TEX11: variants seen among roughly 807,000 people sequenced by gnomAD.
TEX11 encodes testis-expressed protein 11.
TEX11 carries 7 observed loss-of-function variants against 84.4 expected under a neutral mutation model. That is an observed-to-expected ratio of 0.08 (90% confidence interval 0.05 to 0.16). TEX11 has a LOEUF of 0.16. TEX11 is among the 10% of genes least tolerant of loss of function. TEX11 has a pLI of 1.00. For missense variants in TEX11, 551 were observed against 660.5 expected, an observed-to-expected ratio of 0.83 and a Z score of 1.82; for synonymous variants, 264 against 222.8, an observed-to-expected ratio of 1.18 and a Z score of -1.64.
At chrX:70,653,392 A>C (rs897824165) in intron 16 of TEX11, among the ~76,000 whole-genome samples, 1 of 112,439 alleles carries the variant, frequency 8.9e-6, no homozygotes, top group Middle Eastern at 4.2e-3. Flanking sequence ...CTGAAGAAAC[A>C]CTTCACTAAA....
Position 70,859,330 on chromosome X carries a change from C to A in TEX11, c.324+1527G>T, listed in dbSNP as rs754117739. Among the ~76,000 whole-genome samples the A allele has an allele frequency of 3.7e-5, 4 of 108,010 alleles. No individual in the cohort carries two copies. In the South Asian group the frequency reaches 1.2e-3, roughly 33 times the overall value. 93.8% of individuals were successfully genotyped at this position (108,010 alleles called of 115,157 possible). A position where few individuals can be genotyped will look rare whatever the true frequency, so the allele number is the denominator to read the frequency against. ...TGGTGGCTCACTCCTGTAATCCCAG[C>A]ACTTTGGGAGGCCGGGGCGGGTGGA... On this transcript the variant is annotated intron_variant, in intron 5 of 29. Transcript: ENST00000374333.
chrX:70,646,045 A>G (rs2089737832), intron 17 of TEX11, among the ~76,000 whole-genome samples: 1 of 111,928 alleles, frequency 8.9e-6, no homozygotes, highest in Non-Finnish European at 1.9e-5. Flanking sequence ...ACTAATCAAA[A>G]CAGCATGGTA....
At chrX:70,602,117 G>C (rs745385240) in intron 24 of TEX11, among the ~76,000 whole-genome samples, 12,901 of 111,423 alleles carry the variant, frequency 0.12, 630 homozygotes, top group Middle Eastern at 0.2. Flanking sequence ...GGGCGGCCGG[G>C]CAGAAGCGCC....
chrX:70,897,677 G>GA (rs1322972242), intron 2 of TEX11: 91 of 51,800 alleles, frequency 1.8e-3, no homozygotes, highest in African/African-American at 5.2e-3. Context: ...AACAAAGAAA[G>GA]AAAAAGAAAG....
chrX:70,831,570 A>T (rs1465257884), intron 8 of TEX11, among the ~76,000 whole-genome samples: 1 of 111,491 alleles, frequency 9.0e-6, no homozygotes, highest in Non-Finnish European at 1.9e-5. Context: ...TTGAGGCTGC[A>T]GTGAGCCAGG....
chrX:70,566,134 G>C (rs1417339973), intron 25 of TEX11, among the ~76,000 whole-genome samples: 1 of 106,550 alleles, frequency 9.4e-6, no homozygotes, highest in Admixed American at 1.0e-4. Flanking sequence ...CTTGTAAGTT[G>C]GATTCTTAGG....
chrX:70,697,836 A>C (rs966260660), intron 13 of TEX11, among the ~76,000 whole-genome samples: 1 of 111,881 alleles, frequency 8.9e-6, no homozygotes, highest in African/African-American at 3.2e-5. Context: ...TGAAGCATAT[A>C]TAGTTTAAAT....
chrX:70,853,364 T>A, intron 5 of TEX11, 36 bp from the exon 6 acceptor site: 1 of 1,000,816 alleles, frequency 1.0e-6, no homozygotes, highest in South Asian at 2.1e-5. Context: ...TTTTTAAAAA[T>A]TCATACCTCC....
chrX:70,674,021 A>G (rs756330427), intron 15 of TEX11, among the ~76,000 whole-genome samples: 1 of 111,961 alleles, frequency 8.9e-6, no homozygotes, highest in South Asian at 3.8e-4. Context: ...AGTACCCAAT[A>G]GTTATCTTTT....
intron 9 of TEX11, among the ~76,000 whole-genome samples, chrX:70,791,575 A>G (rs1286401011): frequency 8.9e-6 from 1 of 112,080 alleles, no homozygotes; most frequent in Non-Finnish European, 1.9e-5. Context: ...ATCTGCATGC[A>G]GAACATACTC....
chrX:70,671,373 T>A (rs2090020655), intron 15 of TEX11, among the ~76,000 whole-genome samples: 1 of 111,350 alleles, frequency 9.0e-6, no homozygotes, highest in Non-Finnish European at 1.9e-5. Context: ...AACACCCTCT[T>A]CAACTAGAAA....
chrX:70,727,251 T>C (rs996861595), intron 11 of TEX11, among the ~76,000 whole-genome samples: 6 of 111,623 alleles, frequency 5.4e-5, no homozygotes, highest in African/African-American at 2.0e-4. Context: ...CTGTCTATCA[T>C]GGCAGGCATT....
Position 70,881,005 on chromosome X carries a change from CAAAAAAAAAAAA to C in TEX11, c.38-908_38-897del, listed in dbSNP as rs11284342. Among the ~76,000 whole-genome samples the C allele has an allele frequency of 1.0e-3, 48 of 46,223 alleles. No individual in the cohort carries two copies. The East Asian group carries it at 0.012, about 11-fold the overall frequency. 40.1% of individuals were successfully genotyped at this position (46,223 alleles called of 115,157 possible). A position where few individuals can be genotyped will look rare whatever the true frequency, so the allele number is the denominator to read the frequency against. On this transcript the variant is annotated intron_variant, in intron 2 of 29. Transcript: ENST00000374333. ...CTGGGCAACATAGCAAGACATCATC[CAAAAAAAAAAAA>C]AAAAAAAAAAAAACTAAAACTAAAA... is the stretch of plus-strand genomic sequence containing the variant.
chrX:70,777,032 T>TTCA (rs2091006043), intron 9 of TEX11, among the ~76,000 whole-genome samples: 1 of 108,501 alleles, frequency 9.2e-6, no homozygotes, highest in African/African-American at 3.3e-5. Context: ...CTTTTATTTA[T>TTCA]TTATTATTAT....
At chrX:70,903,979 CTTTTTT>C (rs34397286) in intron 2 of TEX11, among the ~76,000 whole-genome samples, 1 of 29,961 alleles carries the variant, frequency 3.3e-5, no homozygotes, top group Non-Finnish European at 6.2e-5. Flanking sequence ...CCACATCCAG[CTTTTTT>C]TTTTTTTTTT....
chrX:70,778,782 A>G (rs1344890339), intron 9 of TEX11, among the ~76,000 whole-genome samples: 2 of 111,750 alleles, frequency 1.8e-5, no homozygotes, highest in Non-Finnish European at 3.8e-5. Context: ...CTAAAATCAT[A>G]TCAAGTATCC....
At chrX:70,533,315 A>AAAG (rs1464746820) in intron 28 of TEX11, among the ~76,000 whole-genome samples, 1 of 112,187 alleles carries the variant, frequency 8.9e-6, no homozygotes, top group Non-Finnish European at 1.9e-5. Context: ...GATAAGGGAC[A>AAAG]ACAATAAGTT....
At chrX:70,742,120 C>A (rs2090737311) in intron 10 of TEX11, among the ~76,000 whole-genome samples, 1 of 110,885 alleles carries the variant, frequency 9.0e-6, no homozygotes, top group Non-Finnish European at 1.9e-5. Flanking sequence ...ACTCATGCTT[C>A]TTTTCAGACC....
chrX:70,833,917 T>C (rs1390696525), intron 7 of TEX11, among the ~76,000 whole-genome samples: 1 of 111,598 alleles, frequency 9.0e-6, no homozygotes, highest in Non-Finnish European at 1.9e-5. Context: ...CTTGAATAGC[T>C]CTTCTATTCA....
Sources: allele counts gnomAD v4.1 joint callset (sites outside exome capture counted in the v4.1 genomes callset), GRCh38; gene constraint gnomAD v4.1.1; transcripts MANE v1.5; gene names NCBI Gene and HGNC (gene_info 2026-07-23, HGNC 2026-07-21).